MTRF1: variants seen among roughly 807,000 people sequenced by gnomAD.
MTRF1 encodes the protein mitochondrial translation release factor 1, also known as peptide chain release factor 1, mitochondrial.
In MTRF1, 51 loss-of-function variants were observed where a neutral mutation model predicts 62.9. The ratio of observed to expected loss-of-function variants is 0.81; its 90% CI spans 0.65 to 1.02. MTRF1 has a LOEUF of 1.02. Ranked by LOEUF, MTRF1 falls within the 50% of genes least tolerant of loss-of-function variation. MTRF1 has a pLI of 0.00. For missense variants in MTRF1, 446 were observed against 530.0 expected (o/e 0.84, Z 1.56); for synonymous variants, 158 against 181.9 (o/e 0.87, Z 1.06).
At chr13:41,311,972 G>A in the MTRF1 span, among the ~76,000 whole-genome samples, 1 of 152,228 alleles carries the variant, frequency 6.6e-6, no homozygotes, top group Non-Finnish European at 1.5e-5. Context: ...TCTCTCCTCG[G>A]CTAGGTGTTT....
At chr13:41,292,067 C>CAAAACA in the MTRF1 span, among the ~76,000 whole-genome samples, 8 of 151,884 alleles carry the variant, frequency 5.3e-5, no homozygotes, top group Non-Finnish European at 1.0e-4. Flanking sequence ...CAGAGACCAA[C>CAAAACA]AAAACAAAAA....
intron 1 of MTRF1, chr13:41,261,652 T>A (rs1313749173): frequency 4.3e-6 from 1 of 232,218 alleles, no homozygotes; most frequent in Non-Finnish European, 7.1e-6. Flanking sequence ...TATAATTCTT[T>A]AACTTTAAGG....
At chr13:41,265,363 G>A (rs1453938488), upstream of MTRF1, among the ~76,000 whole-genome samples, 1 of 151,684 alleles carries the variant, frequency 6.6e-6, no homozygotes, top group African/African-American at 2.4e-5. Flanking sequence ...AGAGGTGGCA[G>A]TGAGCCAAGA....
intron 6 of MTRF1, among the ~76,000 whole-genome samples, chr13:41,238,728 T>C (rs909517439): frequency 5.3e-5 from 8 of 152,220 alleles, no homozygotes; most frequent in African/African-American, 1.9e-4. Flanking sequence ...GAGATATTTC[T>C]GTGGTCACCA....
At chr13:41,311,824 C>T in the MTRF1 span, among the ~76,000 whole-genome samples, 3 of 152,246 alleles carry the variant, frequency 2.0e-5, no homozygotes, top group Admixed American at 6.5e-5. Context: ...CCCCGCCGCG[C>T]TCTTTCCAGA....
chr13:41,221,357 C>T (rs1432982434), intron 9 of MTRF1, among the ~76,000 whole-genome samples: 2 of 151,952 alleles, frequency 1.3e-5, no homozygotes, highest in African/African-American at 4.8e-5. Flanking sequence ...GATGGGGTTT[C>T]ACCGTGTTAG....
chr13:41,273,055 G>A, the MTRF1 span, among the ~76,000 whole-genome samples: 6 of 152,144 alleles, frequency 3.9e-5, no homozygotes, highest in African/African-American at 1.2e-4. Flanking sequence ...GGCTGGGCAT[G>A]GTGGCTCACG....
the MTRF1 span, among the ~76,000 whole-genome samples, chr13:41,289,232 A>ATT: frequency 0.087 from 11,978 of 137,496 alleles, 786 homozygotes; most frequent in Middle Eastern, 0.13. Flanking sequence ...GTGGATTTAA[A>ATT]TTTTTTTTTT....
At chr13:41,288,171 G>A in the MTRF1 span, 1 of 499,006 alleles carries the variant, frequency 2.0e-6, no homozygotes, top group Non-Finnish European at 4.0e-6. Flanking sequence ...AGATTCACTG[G>A]CTTTCCATCT....
At chr13:41,232,693 C>T (rs2035798854) in intron 7 of MTRF1, among the ~76,000 whole-genome samples, 1 of 152,094 alleles carries the variant, frequency 6.6e-6, no homozygotes, top group South Asian at 2.1e-4. Context: ...TGATATAGAA[C>T]CCAAGAAACG....
the MTRF1 span, among the ~76,000 whole-genome samples, chr13:41,308,342 G>C: frequency 6.6e-6 from 1 of 152,150 alleles, no homozygotes; most frequent in South Asian, 2.1e-4. Flanking sequence ...GTCTAGAAAA[G>C]TCCATGTCCT....
chr13:41,292,445 G>C, the MTRF1 span, among the ~76,000 whole-genome samples: 1 of 152,050 alleles, frequency 6.6e-6, no homozygotes, highest in East Asian at 1.9e-4. Context: ...TTAGCTGGGC[G>C]TGGTGGGTGC....
chr13:41,275,016 A>G, the MTRF1 span, among the ~76,000 whole-genome samples: 2 of 152,322 alleles, frequency 1.3e-5, no homozygotes, highest in African/African-American at 4.8e-5. Context: ...TTTACAAAAC[A>G]TAGTAATTCT....
the MTRF1 span, among the ~76,000 whole-genome samples, chr13:41,302,994 C>G: frequency 6.6e-6 from 1 of 152,198 alleles, no homozygotes. Flanking sequence ...ATTCCAGCTA[C>G]TCAAGAGGCT....
chr13:41,250,015 G>A (rs2038863903), intron 5 of MTRF1, among the ~76,000 whole-genome samples: 1 of 151,926 alleles, frequency 6.6e-6, no homozygotes, highest in Non-Finnish European at 1.5e-5. Context: ...TATTTTGCCA[G>A]TGACTTAGTG....
At chr13:41,230,229 C>T (rs1035581371) in intron 7 of MTRF1, among the ~76,000 whole-genome samples, 2 of 151,608 alleles carry the variant, frequency 1.3e-5, no homozygotes, top group Admixed American at 6.6e-5. Context: ...GTTATTATTA[C>T]GGATGTTTTA....
rs773826130 is a variant in MTRF1 at position 41,260,568 on chromosome 13, C to T, written c.340G>A (p.Ala114Thr). 2 of 1,614,136 alleles carry T rather than the reference C, an allele frequency of 1.2e-6. No individual in the cohort carries two copies. The highest frequency in any genetic ancestry group is 2.7e-5 in the African/African-American group (2 of 75,030). ...RSLNRRHAEL[A>T]PLAAIYQEIQ... is the part of the protein sequence containing the mutation. ...TCTTGGTAAATGGCTGCAAGAGGTGCCAACTCAGCATGCCTTCTGTTCAAG... is the reference window on the plus strand; with the variant it reads ...TCTTGGTAAATGGCTGCAAGAGGTGTCAACTCAGCATGCCTTCTGTTCAAG... The change falls in exon 2 of 10, where the codon GCA (alanine) becomes ACA (threonine). Residue 114 changes from alanine (A) to threonine (T), a missense_variant. Transcript: ENST00000379480.
chr13:41,248,678 T>G (rs2038619148), intron 5 of MTRF1, among the ~76,000 whole-genome samples: 1 of 152,230 alleles, frequency 6.6e-6, no homozygotes, highest in Non-Finnish European at 1.5e-5. Context: ...GTGAGTCATG[T>G]GGACACATAA....
the MTRF1 span, among the ~76,000 whole-genome samples, chr13:41,279,681 AAAAT>A: frequency 6.6e-6 from 1 of 152,270 alleles, no homozygotes; most frequent in East Asian, 1.9e-4. Flanking sequence ...GACACGGAAA[AAAAT>A]ATTTAACCCC....
Sources: gnomAD v4.1 joint callset for allele counts (sites outside exome capture counted in the v4.1 genomes callset) on GRCh38, gnomAD v4.1.1 for gene constraint, MANE v1.5 for transcripts, NCBI Gene and HGNC (gene_info 2026-07-23, HGNC 2026-07-21) for gene names.